GRIK3: variants seen among roughly 807,000 people sequenced by gnomAD.
GRIK3 encodes glutamate ionotropic receptor kainate type subunit 3.
In GRIK3, 29 loss-of-function variants were observed where a neutral mutation model predicts 102.5. That is an observed-to-expected ratio of 0.28 (90% CI 0.21 to 0.39). The LOEUF (loss-of-function observed/expected upper bound fraction) is 0.39, where lower values mean the gene tolerates loss of function less well. Among genes scored for constraint, GRIK3 ranks in the 10% least tolerant of loss-of-function variants. The pLI is 1.00. For synonymous variants in GRIK3, 511 were observed against 504.9 expected, an observed-to-expected ratio of 1.01 and a Z score of -0.16; for missense variants, 908 against 1,252.4, an observed-to-expected ratio of 0.73 and a Z score of 4.15.
At chr1:36,921,884 G>C (rs1041763314) in intron 1 of GRIK3, among the ~76,000 whole-genome samples, 1 of 152,100 alleles carries the variant, frequency 6.6e-6, no homozygotes, top group African/African-American at 2.4e-5. Flanking sequence ...CAAATCCCTC[G>C]GGTCACCTGG....
intron 1 of GRIK3, among the ~76,000 whole-genome samples, chr1:36,936,198 T>C (rs921719397): frequency 6.6e-6 from 1 of 151,842 alleles, no homozygotes; most frequent in Non-Finnish European, 1.5e-5. Context: ...GTGAAGAAAA[T>C]ACAAAAATAT....
At chr1:36,905,226 A>G (rs1641273986) in intron 1 of GRIK3, among the ~76,000 whole-genome samples, 2 of 152,220 alleles carry the variant, frequency 1.3e-5, no homozygotes, top group Non-Finnish European at 2.9e-5. Context: ...TTACTAGAGG[A>G]CATAAAAGAA....
At chr1:36,856,629 T>C (rs867756584) in intron 7 of GRIK3, among the ~76,000 whole-genome samples, 2 of 152,324 alleles carry the variant, frequency 1.3e-5, no homozygotes, top group South Asian at 2.1e-4. Flanking sequence ...ACCACGGGGC[T>C]ATTCTGGGCC....
At chr1:37,014,844 ATCTTTTCTTT>A (rs57927286) in intron 1 of GRIK3, among the ~76,000 whole-genome samples, 2,605 of 133,236 alleles carry the variant, frequency 0.02, 57 homozygotes, top group African/African-American at 0.046. Context: ...CTCTTTTCTT[ATCTTTTCTTT>A]TCTTTTCTTT....
At chr1:36,860,908 C>T (rs1640716429) in intron 5 of GRIK3, among the ~76,000 whole-genome samples, 1 of 152,198 alleles carries the variant, frequency 6.6e-6, no homozygotes, top group Admixed American at 6.5e-5. Flanking sequence ...CCAGGCCCTC[C>T]AGTATTACTT....
At chr1:36,914,816 T>C (rs1447991120) in intron 1 of GRIK3, among the ~76,000 whole-genome samples, 1 of 152,174 alleles carries the variant, frequency 6.6e-6, no homozygotes, top group East Asian at 1.9e-4. Context: ...GAGGTGTGAT[T>C]ACTCCACTAG....
intron 1 of GRIK3, among the ~76,000 whole-genome samples, chr1:36,912,742 C>T (rs1294268465): frequency 6.6e-6 from 1 of 152,164 alleles, no homozygotes; most frequent in African/African-American, 2.4e-5. Context: ...AGGGTGAGGA[C>T]ACGCCTTTGT....
intron 2 of GRIK3, among the ~76,000 whole-genome samples, chr1:36,889,172 T>C (rs2124271472): frequency 1.3e-5 from 2 of 151,818 alleles, no homozygotes; most frequent in Middle Eastern, 6.8e-3. Flanking sequence ...TGTTATAAGA[T>C]GAAAGCAAGG....
intron 1 of GRIK3, among the ~76,000 whole-genome samples, chr1:36,991,574 C>A (rs772376581): frequency 6.6e-6 from 1 of 152,200 alleles, no homozygotes; most frequent in East Asian, 1.9e-4. Context: ...TGAAAAGCAA[C>A]GTGCCTACCA....
chr1:36,804,939 C>G (rs763884917), intron 15 of GRIK3, 48 bp downstream of exon 15: 1 of 1,601,134 alleles, frequency 6.2e-7, no homozygotes, highest in Admixed American at 1.7e-5. Flanking sequence ...GAAATCAGCG[C>G]GAATCTCCAT....
chr1:36,820,408 A>G (rs1250917740), intron 11 of GRIK3, among the ~76,000 whole-genome samples: 1 of 152,232 alleles, frequency 6.6e-6, no homozygotes. Flanking sequence ...TAAGAACAAT[A>G]TGACCACACT....
intron 1 of GRIK3, among the ~76,000 whole-genome samples, chr1:36,920,676 G>A (rs768557797): frequency 1.3e-5 from 2 of 152,208 alleles, no homozygotes; most frequent in Non-Finnish European, 2.9e-5. Context: ...TCTCTGAGGA[G>A]GATGAGCCCA....
chr1:36,950,574 G>T (rs373647487), intron 1 of GRIK3, among the ~76,000 whole-genome samples: 1 of 152,178 alleles, frequency 6.6e-6, no homozygotes, highest in East Asian at 1.9e-4. Flanking sequence ...ACATGCTCTG[G>T]GCTTGGCTAA....
chr1:37,026,773 T>C (rs1479833086), intron 1 of GRIK3, among the ~76,000 whole-genome samples: 2 of 152,030 alleles, frequency 1.3e-5, no homozygotes, highest in African/African-American at 4.8e-5. Flanking sequence ...CGTTCAAAAA[T>C]AGATCCACCA....
At chr1:36,865,106 T>A (rs1640768050) in intron 5 of GRIK3, among the ~76,000 whole-genome samples, 1 of 152,188 alleles carries the variant, frequency 6.6e-6, no homozygotes, top group South Asian at 2.1e-4. Flanking sequence ...GAAAATATCT[T>A]CCCCATGATA....
chr1:37,003,440 T>C (rs947070369), intron 1 of GRIK3, among the ~76,000 whole-genome samples: 1 of 152,176 alleles, frequency 6.6e-6, no homozygotes, highest in Admixed American at 6.5e-5. Context: ...TCAGTTGGCC[T>C]TGGACATGCA....
At chr1:37,025,779 T>C (rs769329933) in intron 1 of GRIK3, among the ~76,000 whole-genome samples, 2 of 152,248 alleles carry the variant, frequency 1.3e-5, no homozygotes, top group Non-Finnish European at 2.9e-5. Context: ...TTGTCTCCTA[T>C]GAATTGGAAC....
chr1:36,985,390 C>A (rs1267985951), intron 1 of GRIK3, among the ~76,000 whole-genome samples: 3 of 152,162 alleles, frequency 2.0e-5, no homozygotes, highest in African/African-American at 2.4e-5. Flanking sequence ...AGCCCCAAGC[C>A]CTCTTGTGTC....
chr1:36,814,989 G>GC (rs1642609177), intron 13 of GRIK3, among the ~76,000 whole-genome samples: 1 of 152,152 alleles, frequency 6.6e-6, no homozygotes, highest in Admixed American at 6.5e-5. Flanking sequence ...GCAGAGTTGT[G>GC]CACAGGCACA....
Sources: allele counts gnomAD v4.1 joint callset (sites outside exome capture counted in the v4.1 genomes callset), GRCh38; gene constraint gnomAD v4.1.1; transcripts MANE v1.5; gene names NCBI Gene and HGNC (gene_info 2026-07-23, HGNC 2026-07-21).